Variants in ARPC1A observed in about 807,000 individuals in gnomAD.
The protein encoded by ARPC1A is actin related protein 2/3 complex subunit 1A, also known as actin-related protein 2/3 complex subunit 1A.
A neutral mutation model predicts 46.9 loss-of-function variants in ARPC1A; 8 were observed. That is an observed-to-expected ratio of 0.17 (90% confidence interval 0.10 to 0.31). The LOEUF (loss-of-function observed/expected upper bound fraction) is 0.31. ARPC1A is among the 10% of genes least tolerant of loss of function. The probability of loss-of-function intolerance (pLI) is 1.00; values close to 1 mark genes in which losing one functional copy is unlikely to be tolerated. For missense variants in ARPC1A, 286 were observed against 483.6 expected (o/e 0.59, Z 3.83); for synonymous variants, 152 against 169.0 (o/e 0.90, Z 0.78).
Position 99,354,007 on chromosome 7 carries a change from G to A in ARPC1A, c.599G>A (p.Gly200Asp). The change falls in exon 6 of 10, where the codon GGC becomes GAC. Residue 200 changes from glycine to aspartate, a missense_variant. Around this residue, in one of 5 missense-constraint regions of ARPC1A, gnomAD observed 182 missense variants for 276.7 expected, o/e 0.66. Transcript: ENST00000262942. Reference sequence around the variant, plus strand: ...GGGCAGCTGATGTCAGAGTTTGGTGGCAGTGGCACTGGTGGCTGGGTCCAC... The same window carrying A: ...GGGCAGCTGATGTCAGAGTTTGGTGACAGTGGCACTGGTGGCTGGGTCCAC... ...PFGQLMSEFG[G>D]SGTGGWVHGV... The A allele has an allele frequency of 6.2e-7, 1 of 1,614,026 alleles. No homozygotes were observed. Among genetic ancestry groups the A allele is most frequent in the Non-Finnish European group, 8.5e-7 (1 of 1,179,906 alleles).
At chr7:99,354,902 C>T (rs1793604745) in intron 6 of ARPC1A, among the ~76,000 whole-genome samples, 2 of 151,980 alleles carry the variant, frequency 1.3e-5, no homozygotes, top group East Asian at 1.9e-4. Context: ...CACTTGAGGT[C>T]GGGAGTTTGA....
chr7:99,335,213 C>G (rs1793222914), intron 2 of ARPC1A, among the ~76,000 whole-genome samples: 2 of 152,124 alleles, frequency 1.3e-5, no homozygotes, highest in African/African-American at 4.8e-5. Context: ...TGGCCTCGAA[C>G]TCCTGGCCTC....
At position 99,335,953 on chromosome 7, in the gene ARPC1A, C is replaced by CA. The variant is rs1793244149; in HGVS notation, c.65-2222dup. ...TTGGCAACAGAGTGAGACTCAGTCT[C>CA]AAAAAAGAAAAAAAAAAAAGCCTCT... On this transcript the variant is annotated intron_variant, in intron 2 of 9. Coordinates refer to ENST00000262942, the MANE Select transcript of ARPC1A (RefSeq NM_006409.4). Among the ~76,000 whole-genome samples, 9 of 134,964 alleles carry CA rather than the reference C, an allele frequency of 6.7e-5. No homozygotes were observed. In the Middle Eastern group the frequency reaches 0.027, roughly 404 times the overall value. The allele number at this position is 134,964 out of a possible 152,430, so 88.5% of individuals were successfully genotyped here. A position where few individuals can be genotyped will look rare whatever the true frequency, so the allele number is the denominator to read the frequency against.
intron 9 of ARPC1A, among the ~76,000 whole-genome samples, chr7:99,363,857 C>T (rs1035269406): frequency 7.2e-5 from 11 of 151,934 alleles, no homozygotes; most frequent in Non-Finnish European, 1.0e-4. Flanking sequence ...TTACAAAACT[C>T]TTATGAGAAG....
At chr7:99,349,742 A>G (rs1418621162) in intron 5 of ARPC1A, among the ~76,000 whole-genome samples, 2 of 152,152 alleles carry the variant, frequency 1.3e-5, no homozygotes, top group African/African-American at 4.8e-5. Flanking sequence ...CGGGAGGCTG[A>G]GGCAGGAGAA....
chr7:99,341,952 A>G (rs1396677330), intron 3 of ARPC1A, among the ~76,000 whole-genome samples: 1 of 152,250 alleles, frequency 6.6e-6, no homozygotes, highest in Non-Finnish European at 1.5e-5. Context: ...AAACTAGTCC[A>G]TACTACAAAG....
chr7:99,343,661 A>G (rs1489418192), intron 3 of ARPC1A, among the ~76,000 whole-genome samples: 1 of 152,208 alleles, frequency 6.6e-6, no homozygotes, highest in African/African-American at 2.4e-5. Context: ...TAAACCTTAC[A>G]TTCAGATACA....
intron 5 of ARPC1A, 47 bp from the exon 6 acceptor site, chr7:99,353,862 C>T: frequency 1.3e-6 from 2 of 1,568,892 alleles, no homozygotes; most frequent in Non-Finnish European, 1.8e-6. Flanking sequence ...TTTCTATATA[C>T]ATATATTTTC....
chr7:99,337,398 G>A (rs943742456), intron 2 of ARPC1A, among the ~76,000 whole-genome samples: 3 of 152,136 alleles, frequency 2.0e-5, no homozygotes, highest in Non-Finnish European at 2.9e-5. Flanking sequence ...TCCAGCCTGG[G>A]CAACGAGAGC....
At chr7:99,354,513 T>G (rs1158377784) in intron 6 of ARPC1A, among the ~76,000 whole-genome samples, 1 of 104,374 alleles carries the variant, frequency 9.6e-6, no homozygotes, top group African/African-American at 4.1e-5. Context: ...AGAGTAAGAC[T>G]CCGTCTCAAA....
chr7:99,328,668 G>A (rs1793092810), intron 1 of ARPC1A, among the ~76,000 whole-genome samples: 1 of 151,896 alleles, frequency 6.6e-6, no homozygotes, highest in Admixed American at 6.6e-5. Flanking sequence ...AAGGGGTGGG[G>A]GCCGGGCATG....
intron 6 of ARPC1A, 41 bp downstream of exon 6, chr7:99,354,162 G>A: frequency 6.3e-7 from 1 of 1,595,572 alleles, no homozygotes; most frequent in Non-Finnish European, 8.6e-7. Context: ...GGAACAAGGG[G>A]TGGGATCTCT....
chr7:99,356,933 T>G (rs1584385771), intron 6 of ARPC1A, among the ~76,000 whole-genome samples: 1 of 152,228 alleles, frequency 6.6e-6, no homozygotes, highest in East Asian at 1.9e-4. Context: ...AGATTGTCCC[T>G]TCCATTATAA....
chr7:99,358,866 C>T (rs1793688315), intron 7 of ARPC1A: 1 of 152,262 alleles, frequency 6.6e-6, no homozygotes, highest in African/African-American at 2.5e-5. Context: ...CTGTCTTGCT[C>T]TGTCGCCCAG....
chr7:99,342,635 T>G (rs1793373550), intron 3 of ARPC1A, among the ~76,000 whole-genome samples: 1 of 152,064 alleles, frequency 6.6e-6, no homozygotes, highest in Admixed American at 6.6e-5. Flanking sequence ...ATTCTCATAT[T>G]TTCTTCCCTT....
chr7:99,358,284 T>G (rs1793675335), intron 6 of ARPC1A, 56 bp from the exon 7 acceptor site: 23 of 1,546,322 alleles, frequency 1.5e-5, no homozygotes, highest in Non-Finnish European at 2.0e-5. Flanking sequence ...CATCTGTGTC[T>G]GTAAAGAAGC....
At chr7:99,333,617 G>C (rs2150859032) in intron 2 of ARPC1A, among the ~76,000 whole-genome samples, 200 bp downstream of exon 2, 1 of 152,308 alleles carries the variant, frequency 6.6e-6, no homozygotes, top group East Asian at 1.9e-4. Flanking sequence ...GGGCTTTGCA[G>C]AGGTTACATA....
intron 3 of ARPC1A, 119 bp downstream of exon 3, chr7:99,338,404 GAGA>G: frequency 2.6e-6 from 1 of 391,064 alleles, no homozygotes; most frequent in Non-Finnish European, 3.8e-6. Context: ...TTTTTTTTTT[GAGA>G]AGGAGTATCA....
intron 1 of ARPC1A, among the ~76,000 whole-genome samples, chr7:99,330,814 G>T (rs1368434852): frequency 6.6e-6 from 1 of 152,188 alleles, no homozygotes; most frequent in African/African-American, 2.4e-5. Flanking sequence ...GTTGAAACTT[G>T]AGTTTATTGT....
Sources: allele counts gnomAD v4.1 joint callset (sites outside exome capture counted in the v4.1 genomes callset), GRCh38; gene constraint gnomAD v4.1.1; regional missense constraint gnomAD v4.1.1; transcripts MANE v1.5; gene names NCBI Gene and HGNC (gene_info 2026-07-23, HGNC 2026-07-21).